Variants in GSDMC observed in about 807,000 individuals in gnomAD.
The protein encoded by GSDMC is gasdermin-C.
GSDMC carries 59 observed loss-of-function variants against 58.0 expected under a neutral mutation model. The ratio of observed to expected loss-of-function variants is 1.02; its 90% confidence interval spans 0.82 to 1.26. GSDMC has a LOEUF of 1.26. Ranked by LOEUF, GSDMC falls within the 50% of genes most tolerant of loss-of-function variation. The probability of loss-of-function intolerance (pLI) is 0.00; values close to 1 mark genes in which losing one functional copy is unlikely to be tolerated. For missense variants in GSDMC, 659 were observed against 598.5 expected (o/e 1.10, Z -1.06); for synonymous variants, 241 against 220.2 (o/e 1.09, Z -0.83).
rs748924722 is a variant in GSDMC, at chr8:129,750,077, C to T, written c.1126G>A (p.Ala376Thr). ...SSGHLDGPGG[A>T]ILKKLQQDSN... ...TCCTGTTGAAGTTTCTTTAGGATGG[C>T]ACCACCAGGGCCATCCAAATGACCT... The change falls in exon 12 of 14, where the codon GCC becomes ACC. Residue 376 changes from alanine (A) to threonine (T), a missense_variant. Transcript: ENST00000276708. 8.7e-6 allele frequency: 14 copies of T among 1,608,012 alleles called. No individual in the cohort carries two copies. The highest frequency in any genetic ancestry group is 3.3e-5 in the South Asian group (3 of 89,854).
At chr8:129,768,223 G>A (rs1238182018) in intron 3 of GSDMC, among the ~76,000 whole-genome samples, 1 of 152,220 alleles carries the variant, frequency 6.6e-6, no homozygotes, top group Non-Finnish European at 1.5e-5. Flanking sequence ...CCAAAGGTTG[G>A]ACTGACTGGT....
chr8:129,771,106 A>G (rs115521471), intron 3 of GSDMC, among the ~76,000 whole-genome samples: 2,064 of 151,390 alleles, frequency 0.014, 44 homozygotes, highest in African/African-American at 0.048. Context: ...AGATAGAAGA[A>G]TGCCATTATA....
At chr8:129,774,886 G>A (rs567444883) in intron 3 of GSDMC, among the ~76,000 whole-genome samples, 7 of 152,072 alleles carry the variant, frequency 4.6e-5, no homozygotes, top group African/African-American at 7.2e-5. Flanking sequence ...ACATAATTTC[G>A]CATCTGTTTG....
Position 129,748,655 on chromosome 8 carries a change from C to A in GSDMC, c.1373G>T (p.Ser458Ile). ...GCCATAGGTGATGGCCAAACCCTCA[C>A]TCTGGAGTGGGGCGAGGAGCTCAGG... ...LKPELLAPLQ[S>I]EGLAITYGLL... The change falls in exon 14 of 14, where the codon AGT (serine) becomes ATT (isoleucine). Residue 458 changes from serine to isoleucine, a missense_variant. Physicochemically the swap from Ser to Ile is moderately radical, Grantham distance 142. Transcript: ENST00000276708. 6.2e-7 allele frequency: 1 copy of A among 1,610,578 alleles called. No homozygotes were observed. The highest frequency in any genetic ancestry group is 8.5e-7 in the Non-Finnish European group (1 of 1,178,508).
At position 129,752,136 on chromosome 8, in the gene GSDMC, T is replaced by C. The variant is rs1167944979; in HGVS notation, c.856A>G (p.Thr286Ala). The C allele has an allele frequency of 1.2e-6, 2 of 1,612,992 alleles. No individual in the cohort carries two copies. Among genetic ancestry groups the C allele is most frequent in the African/African-American group, 1.3e-5 (1 of 74,902 alleles). ...DMKLKPELFL[T>A]QQFLSGHLPK... The stretch of plus-strand genomic sequence containing the variant: ...AAATGCCCGCTCAAAAATTGCTGTG[T>C]CAGAAATAGCTCTGGAAAGAGAAAG... Residue 286 changes from threonine to alanine, a missense_variant, in exon 8 of 14, where the codon ACA becomes GCA. By Grantham distance (58) the Thr-to-Ala change is moderately conservative. Transcript: ENST00000276708.
chr8:129,754,973 A>T (rs1177176327), intron 6 of GSDMC, among the ~76,000 whole-genome samples: 1 of 152,182 alleles, frequency 6.6e-6, no homozygotes, highest in Non-Finnish European at 1.5e-5. Flanking sequence ...TGATCTAGAA[A>T]ATAGCCTCAG....
At chr8:129,774,183 G>A (rs2034148213) in intron 3 of GSDMC, among the ~76,000 whole-genome samples, 2 of 152,128 alleles carry the variant, frequency 1.3e-5, no homozygotes, top group African/African-American at 4.8e-5. Context: ...AAAACTTATG[G>A]CACTTGCATA....
At position 129,751,781 on chromosome 8, in the gene GSDMC, G is replaced by A. The variant is rs112609760; in HGVS notation, c.916+81C>T. 117 of 1,423,652 alleles carry A rather than the reference G, an allele frequency of 8.2e-5. 1 individual carries two copies. Among genetic ancestry groups the A allele is most frequent in the African/African-American group, 1.7e-4 (12 of 71,186 alleles). The allele number at this position is 1,423,652 out of a possible 1,614,324, so 88.2% of individuals were successfully genotyped here. A position where few individuals can be genotyped will look rare whatever the true frequency, so the allele number is the denominator to read the frequency against. On this transcript the variant is annotated intron_variant, in intron 9 of 13. Coordinates refer to ENST00000276708, the MANE Select transcript of GSDMC (RefSeq NM_031415.3). ...GCCCTAGGGCGGTGGTGGCAAAGGC[G>A]AGGCAGGGGCAATCTGCCCTACTTA...
rs113875761 is a variant in GSDMC, at chr8:129,775,144, C to G, written c.404+958G>C. Among the ~76,000 whole-genome samples, 1,078 of 152,174 alleles carry G rather than the reference C, an allele frequency of 7.1e-3. 10 individuals are homozygous for G. Among genetic ancestry groups the G allele is most frequent in the Non-Finnish European group, 9.8e-3 (665 of 68,008 alleles). ...TTCATTGCAGCATTATTCACAGAAA[C>G]CAAGACACCAAAACAACCTAAGTGC... On this transcript the variant is annotated intron_variant, in intron 3 of 13. Transcript: ENST00000276708.
At chr8:129,724,529 G>A in the GSDMC span, among the ~76,000 whole-genome samples, 1 of 151,032 alleles carries the variant, frequency 6.6e-6, no homozygotes, top group Non-Finnish European at 1.5e-5. Context: ...CTCCTGGAAG[G>A]CAGGTTTTCT....
the GSDMC span, among the ~76,000 whole-genome samples, chr8:129,724,478 T>C: frequency 6.6e-6 from 1 of 152,020 alleles, no homozygotes; most frequent in Non-Finnish European, 1.5e-5. Flanking sequence ...AATACAATCT[T>C]CTTTCACCTT....
the GSDMC span, among the ~76,000 whole-genome samples, chr8:129,726,930 T>C: frequency 6.6e-6 from 1 of 152,004 alleles, no homozygotes; most frequent in Admixed American, 6.6e-5. Context: ...AATAGTGTTT[T>C]AAATGACTAC....
At chr8:129,775,401 T>C (rs60403203) in intron 3 of GSDMC, among the ~76,000 whole-genome samples, 3,439 of 152,032 alleles carry the variant, frequency 0.023, 126 homozygotes, top group African/African-American at 0.076. Context: ...TTAGCAGGGG[T>C]TAGGAAGTCA....
At position 129,764,622 on chromosome 8, in the gene GSDMC, A is replaced by G. The variant is rs78715724; in HGVS notation, c.570+1006T>C. On this transcript the variant is annotated intron_variant, in intron 4 of 13. Coordinates refer to ENST00000276708, the MANE Select transcript of GSDMC (RefSeq NM_031415.3). ...GGTGAGGGTAGGTGCCTGGCTATGC[A>G]GAGGTGGGAAGGGATTTGGGCTCTG... Among the ~76,000 whole-genome samples, 1,498 of 152,314 alleles carry G rather than the reference A, an allele frequency of 9.8e-3. 33 individuals carry two copies. The highest frequency in any genetic ancestry group is 0.034 in the African/African-American group (1,425 of 41,560).
chr8:129,755,471 G>A (rs1438358702), intron 6 of GSDMC, among the ~76,000 whole-genome samples: 1 of 152,134 alleles, frequency 6.6e-6, no homozygotes, highest in African/African-American at 2.4e-5. Context: ...AAATGTTAAA[G>A]GGAGTTCTTC....
the GSDMC span, among the ~76,000 whole-genome samples, chr8:129,715,583 A>G: frequency 6.6e-6 from 1 of 152,198 alleles, no homozygotes; most frequent in South Asian, 2.1e-4. Context: ...ATGAGTTTCA[A>G]AATCAAACTA....
downstream of GSDMC, among the ~76,000 whole-genome samples, chr8:129,746,168 A>C (rs114937274): frequency 1.5e-4 from 23 of 152,302 alleles, no homozygotes; most frequent in Non-Finnish European, 2.8e-4. Flanking sequence ...TAGAAAACAT[A>C]GCTCAAGAAA....
chr8:129,732,589 G>A, the GSDMC span, among the ~76,000 whole-genome samples: 63 of 152,212 alleles, frequency 4.1e-4, no homozygotes, highest in African/African-American at 1.1e-3. Flanking sequence ...ATGGAAACTC[G>A]GAAATGACAG....
At chr8:129,756,114 C>T (rs1396117074) in intron 6 of GSDMC, among the ~76,000 whole-genome samples, 2 of 149,402 alleles carry the variant, frequency 1.3e-5, no homozygotes, top group Non-Finnish European at 3.0e-5. Flanking sequence ...AAAAAACACA[C>T]TTCATCTATA....
Sources: gnomAD v4.1 joint callset for allele counts (sites outside exome capture counted in the v4.1 genomes callset) on GRCh38, gnomAD v4.1.1 for gene constraint, MANE v1.5 for transcripts, NCBI Gene and HGNC (gene_info 2026-07-23, HGNC 2026-07-21) for gene names.